Variants in HS3ST4 observed in about 807,000 individuals in gnomAD.
The protein encoded by HS3ST4 is heparan sulfate glucosamine 3-O-sulfotransferase 4.
Under a neutral mutation model 29.2 loss-of-function variants are expected in HS3ST4, and 17 were observed. The observed-to-expected ratio is 0.58, with a 90% CI of 0.40 to 0.87. The LOEUF (loss-of-function observed/expected upper bound fraction) is 0.87, where lower values mean the gene tolerates loss of function less well. Among genes scored for constraint, HS3ST4 ranks in the 40% least tolerant of loss-of-function variants. HS3ST4 has a pLI of 0.00. For missense variants in HS3ST4, 627 were observed against 634.5 expected, an observed-to-expected ratio of 0.99 and a Z score of 0.13; for synonymous variants, 314 against 285.7, an observed-to-expected ratio of 1.10 and a Z score of -1.00.
chr16:25,777,221 C>T (rs972420940), intron 1 of HS3ST4, among the ~76,000 whole-genome samples: 2 of 152,138 alleles, frequency 1.3e-5, no homozygotes, highest in Non-Finnish European at 2.9e-5. Flanking sequence ...ATTAACATTG[C>T]CTATCCTCCT....
At chr16:26,055,184 G>T (rs186531396) in intron 1 of HS3ST4, among the ~76,000 whole-genome samples, 1 of 151,842 alleles carries the variant, frequency 6.6e-6, no homozygotes, top group Non-Finnish European at 1.5e-5. Flanking sequence ...CAGGGAGGCA[G>T]CCTGCTGAGG....
At chr16:26,039,109 ACCTTCT>A (rs1480398250) in intron 1 of HS3ST4, among the ~76,000 whole-genome samples, 1 of 152,086 alleles carries the variant, frequency 6.6e-6, no homozygotes, top group Non-Finnish European at 1.5e-5. Context: ...AGAATTCTAC[ACCTTCT>A]TTTGGGTACT....
chr16:25,859,110 AG>A (rs1967612174), intron 1 of HS3ST4, among the ~76,000 whole-genome samples: 1 of 152,068 alleles, frequency 6.6e-6, no homozygotes, highest in Non-Finnish European at 1.5e-5. Flanking sequence ...GGAATTTTGG[AG>A]GGAGAAAGCA....
chr16:25,912,912 A>G (rs1283921551), intron 1 of HS3ST4, among the ~76,000 whole-genome samples: 2 of 152,238 alleles, frequency 1.3e-5, no homozygotes, highest in East Asian at 3.8e-4. Flanking sequence ...AGTGATAGAA[A>G]GATGAATAAA....
intron 1 of HS3ST4, among the ~76,000 whole-genome samples, chr16:25,874,565 A>G (rs1967809396): frequency 6.6e-6 from 1 of 152,116 alleles, no homozygotes; most frequent in African/African-American, 2.4e-5. Context: ...CAATTTTTCC[A>G]TCCACCAACT....
chr16:25,904,593 A>G (rs1015754664), intron 1 of HS3ST4, among the ~76,000 whole-genome samples: 3 of 152,242 alleles, frequency 2.0e-5, no homozygotes, highest in African/African-American at 7.2e-5. Flanking sequence ...ATCCAAGGGC[A>G]ATGAAAGTCA....
chr16:25,893,199 G>T lies in HS3ST4; in HGVS notation c.734+200048G>T, dbSNP rs572357227. Among the ~76,000 whole-genome samples the T allele has an allele frequency of 7.9e-4, 120 of 152,252 alleles. 1 individual carries two copies. Among genetic ancestry groups the T allele is most frequent in the Middle Eastern group, 6.8e-3 (2 of 294 alleles). On this transcript the variant is annotated intron_variant, in intron 1 of 1. Coordinates refer to ENST00000331351, the MANE Select transcript of HS3ST4 (RefSeq NM_006040.3). ...ATAAAAGGAGACTAGGATGGCTGGG[G>T]CTTAGTGATCAAAGAGAAAAGTCAT...
intron 1 of HS3ST4, among the ~76,000 whole-genome samples, chr16:26,021,938 A>G (rs1281840603): frequency 6.6e-6 from 1 of 151,838 alleles, no homozygotes; most frequent in Non-Finnish European, 1.5e-5. Flanking sequence ...CTGGAATTAC[A>G]GGTGTGAGCC....
At chr16:26,090,784 G>A (rs574040160) in intron 1 of HS3ST4, among the ~76,000 whole-genome samples, 2 of 152,260 alleles carry the variant, frequency 1.3e-5, no homozygotes, top group South Asian at 2.1e-4. Context: ...GAGATGGCAC[G>A]ATGCCAGAGA....
intron 1 of HS3ST4, among the ~76,000 whole-genome samples, chr16:25,978,729 T>A (rs1430448919): frequency 1.3e-5 from 2 of 152,198 alleles, no homozygotes; most frequent in African/African-American, 4.8e-5. Context: ...GTCACAGCAT[T>A]CTTTTTATGG....
intron 1 of HS3ST4, among the ~76,000 whole-genome samples, chr16:25,990,944 T>G (rs1310199699): frequency 6.6e-6 from 1 of 152,194 alleles, no homozygotes; most frequent in Non-Finnish European, 1.5e-5. Flanking sequence ...GTCTTCCTTC[T>G]TATAGCTTTT....
intron 1 of HS3ST4, among the ~76,000 whole-genome samples, chr16:26,072,645 A>G (rs1039463404): frequency 6.6e-6 from 1 of 152,206 alleles, no homozygotes; most frequent in African/African-American, 2.4e-5. Flanking sequence ...ATGGACAATC[A>G]GTTTTTATAT....
At chr16:25,864,968 A>G (rs937513327) in intron 1 of HS3ST4, among the ~76,000 whole-genome samples, 5 of 138,142 alleles carry the variant, frequency 3.6e-5, no homozygotes, top group Non-Finnish European at 8.1e-5. Context: ...ATATATACAC[A>G]CATACTCACA....
intron 1 of HS3ST4, among the ~76,000 whole-genome samples, chr16:26,105,811 C>T (rs1899048556): frequency 1.3e-5 from 2 of 152,360 alleles, no homozygotes; most frequent in East Asian, 3.9e-4. Flanking sequence ...TACCTCTAAC[C>T]TGGTCTTCTG....
intron 1 of HS3ST4, among the ~76,000 whole-genome samples, chr16:25,882,770 T>A (rs1041411030): frequency 9.2e-5 from 14 of 152,168 alleles, no homozygotes; most frequent in African/African-American, 3.1e-4. Flanking sequence ...TCCTCTTTGT[T>A]GAGACATGCT....
At chr16:25,739,518 C>G (rs1180839745) in intron 1 of HS3ST4, among the ~76,000 whole-genome samples, 2 of 152,164 alleles carry the variant, frequency 1.3e-5, no homozygotes, top group Middle Eastern at 3.2e-3. Flanking sequence ...AACAAACAAA[C>G]AAACAAACAA....
intron 1 of HS3ST4, among the ~76,000 whole-genome samples, chr16:25,865,021 C>T (rs1967680400): frequency 6.6e-6 from 1 of 151,762 alleles, no homozygotes; most frequent in South Asian, 2.1e-4. Flanking sequence ...TATGTGTATA[C>T]ACCACATTTC....
intron 1 of HS3ST4, among the ~76,000 whole-genome samples, chr16:25,855,767 G>T (rs991081262): frequency 6.6e-6 from 1 of 152,148 alleles, no homozygotes; most frequent in African/African-American, 2.4e-5. Context: ...TTAGTCGTTT[G>T]TGGGGGCTTA....
At chr16:25,817,764 A>G (rs1967108713) in intron 1 of HS3ST4, among the ~76,000 whole-genome samples, 1 of 152,252 alleles carries the variant, frequency 6.6e-6, no homozygotes, top group Non-Finnish European at 1.5e-5. Flanking sequence ...GTATTTATAC[A>G]GCCTCATTTT....
Sources: gnomAD v4.1 joint callset for allele counts (sites outside exome capture counted in the v4.1 genomes callset) on GRCh38, gnomAD v4.1.1 for gene constraint, MANE v1.5 for transcripts, NCBI Gene and HGNC (gene_info 2026-07-23, HGNC 2026-07-21) for gene names.